FSIP1: variants seen among roughly 807,000 people sequenced by gnomAD.
The protein encoded by FSIP1 is fibrous sheath interacting protein 1, also known as fibrous sheath-interacting protein 1.
A neutral mutation model predicts 60.9 loss-of-function variants in FSIP1; 65 were observed. The ratio of observed to expected loss-of-function variants is 1.07; its 90% CI spans 0.87 to 1.31. The LOEUF (loss-of-function observed/expected upper bound fraction) is 1.31, where lower values mean the gene tolerates loss of function less well. Among genes scored for constraint, FSIP1 ranks in the 40% most tolerant of loss-of-function variants. The pLI is 0.00. For synonymous variants in FSIP1, 209 were observed against 221.2 expected, an observed-to-expected ratio of 0.94 and a Z score of 0.49; for missense variants, 675 against 665.5, an observed-to-expected ratio of 1.01 and a Z score of -0.16.
At chr15:39,682,939 G>A (rs1035346714) in intron 10 of FSIP1, among the ~76,000 whole-genome samples, 4 of 152,122 alleles carry the variant, frequency 2.6e-5, no homozygotes, top group South Asian at 2.1e-4. Context: ...AATGGAAGAC[G>A]AAGATGCCCA....
At chr15:39,603,431 A>C (rs1432203717) in intron 11 of FSIP1, among the ~76,000 whole-genome samples, 1 of 152,222 alleles carries the variant, frequency 6.6e-6, no homozygotes, top group African/African-American at 2.4e-5. Flanking sequence ...ATGCAGCCAG[A>C]GGTAAGAGGC....
chr15:39,771,592 T>C (rs1897889047), intron 2 of FSIP1, among the ~76,000 whole-genome samples: 1 of 152,200 alleles, frequency 6.6e-6, no homozygotes. Flanking sequence ...ATAGCCATCA[T>C]TTATTGAAGA....
intron 6 of FSIP1, among the ~76,000 whole-genome samples, chr15:39,741,341 C>T (rs920535493): frequency 6.6e-6 from 1 of 152,196 alleles, no homozygotes; most frequent in Non-Finnish European, 1.5e-5. Flanking sequence ...CTGCCATGTT[C>T]CTACAGTGAC....
At chr15:39,778,286 G>A (rs376752507) in intron 1 of FSIP1, among the ~76,000 whole-genome samples, 52 of 152,264 alleles carry the variant, frequency 3.4e-4, no homozygotes, top group African/African-American at 4.1e-4. Context: ...GGAAGCATGC[G>A]CAGAACCGCA....
At chr15:39,678,133 T>C (rs1894017429) in intron 10 of FSIP1, among the ~76,000 whole-genome samples, 1 of 152,108 alleles carries the variant, frequency 6.6e-6, no homozygotes, top group African/African-American at 2.4e-5. Flanking sequence ...ATGAGTATAT[T>C]TATATCTGTA....
chr15:39,700,663 G>A (rs769690264), intron 10 of FSIP1, among the ~76,000 whole-genome samples: 3 of 152,122 alleles, frequency 2.0e-5, no homozygotes, highest in Non-Finnish European at 4.4e-5. Flanking sequence ...TGAGCACAGA[G>A]GAAAGATTGC....
chr15:39,614,670 G>T (rs1007652518), intron 11 of FSIP1, among the ~76,000 whole-genome samples: 1 of 148,888 alleles, frequency 6.7e-6, no homozygotes, highest in Non-Finnish European at 1.5e-5. Flanking sequence ...AAAAGAAGAT[G>T]TACCATATTC....
chr15:39,673,860 T>C (rs1253389040), intron 10 of FSIP1, among the ~76,000 whole-genome samples: 3 of 151,862 alleles, frequency 2.0e-5, no homozygotes, highest in Admixed American at 6.6e-5. Context: ...ATATATATCA[T>C]ATATTTTGTA....
At chr15:39,629,933 G>A (rs115857252) in intron 10 of FSIP1, among the ~76,000 whole-genome samples, 233 of 152,310 alleles carry the variant, frequency 1.5e-3, no homozygotes, top group African/African-American at 5.5e-3. Context: ...TTTTCCTCTT[G>A]GGTATAAATC....
Position 39,642,660 on chromosome 15 carries a change from C to T in FSIP1, c.1189-24415G>A, listed in dbSNP as rs377542121. Among the ~76,000 whole-genome samples the T allele has an allele frequency of 2.6e-5, 4 of 152,240 alleles. No homozygotes were observed. In the East Asian group the frequency reaches 7.7e-4, roughly 29 times the overall value. On this transcript the variant is annotated intron_variant, in intron 10 of 11. Transcript: ENST00000350221. Reference sequence around the variant, plus strand: ...AGGGGAAAATGTCTCAGTAAAAGTACGAAAACCTGAAACCTTTTTTCAAGG... The same window carrying T: ...AGGGGAAAATGTCTCAGTAAAAGTATGAAAACCTGAAACCTTTTTTCAAGG...
chr15:39,620,657 T>C (rs1024530824), intron 10 of FSIP1, among the ~76,000 whole-genome samples: 3 of 151,346 alleles, frequency 2.0e-5, no homozygotes, highest in Non-Finnish European at 4.4e-5. Context: ...AGTGGCGCAA[T>C]CGTGGCTCAC....
At chr15:39,686,869 A>G (rs904035166) in intron 10 of FSIP1, among the ~76,000 whole-genome samples, 1 of 152,144 alleles carries the variant, frequency 6.6e-6, no homozygotes. Context: ...ATTATGTTTT[A>G]TGTTTTGTTT....
chr15:39,657,997 T>C (rs1893138546), intron 10 of FSIP1, among the ~76,000 whole-genome samples: 1 of 152,182 alleles, frequency 6.6e-6, no homozygotes, highest in Non-Finnish European at 1.5e-5. Flanking sequence ...ACAAAAACGC[T>C]CTGACACTAA....
At chr15:39,772,134 A>G (rs1595405850) in intron 2 of FSIP1, among the ~76,000 whole-genome samples, 2 of 152,018 alleles carry the variant, frequency 1.3e-5, no homozygotes, top group Non-Finnish European at 2.9e-5. Flanking sequence ...AAATTTCACA[A>G]ATTTTCCCAT....
intron 8 of FSIP1, among the ~76,000 whole-genome samples, chr15:39,730,966 C>G (rs1896382268): frequency 6.6e-6 from 1 of 152,168 alleles, no homozygotes; most frequent in Non-Finnish European, 1.5e-5. Flanking sequence ...ATGGACTACT[C>G]AAGACTCCCA....
intron 2 of FSIP1, among the ~76,000 whole-genome samples, chr15:39,771,190 C>T (rs963161050): frequency 6.6e-6 from 1 of 152,186 alleles, no homozygotes; most frequent in African/African-American, 2.4e-5. Flanking sequence ...AAAAGGACCT[C>T]CATGGCCGGG....
At chr15:39,707,792 C>T (rs998605709) in intron 10 of FSIP1, among the ~76,000 whole-genome samples, 1 of 152,074 alleles carries the variant, frequency 6.6e-6, no homozygotes, top group Non-Finnish European at 1.5e-5. Flanking sequence ...GCCAAGGTCA[C>T]ACAGCTACTA....
intron 10 of FSIP1, among the ~76,000 whole-genome samples, chr15:39,691,227 C>G (rs924817565): frequency 6.6e-6 from 1 of 152,156 alleles, no homozygotes; most frequent in African/African-American, 2.4e-5. Flanking sequence ...AGAGCAAGTG[C>G]CTGGACATTC....
intron 10 of FSIP1, among the ~76,000 whole-genome samples, chr15:39,662,852 A>G: frequency 1.3e-5 from 2 of 152,194 alleles, no homozygotes; most frequent in East Asian, 3.9e-4. Context: ...TTCTAATTGC[A>G]TATATAAACG....
Sources: allele counts gnomAD v4.1 joint callset (sites outside exome capture counted in the v4.1 genomes callset), GRCh38; gene constraint gnomAD v4.1.1; transcripts MANE v1.5; gene names NCBI Gene and HGNC (gene_info 2026-07-23, HGNC 2026-07-21).